SASH1: variants seen among roughly 807,000 people sequenced by gnomAD.
SASH1 encodes the protein SAM and SH3 domain-containing protein 1.
SASH1 carries 44 observed loss-of-function variants against 125.2 expected under a neutral mutation model. The ratio of observed to expected loss-of-function variants is 0.35; its 90% CI spans 0.28 to 0.45. The LOEUF is 0.45. Among genes scored for constraint, SASH1 ranks in the 20% least tolerant of loss-of-function variants. The pLI, the probability that SASH1 is intolerant of heterozygous loss-of-function variation, is 1.00. For synonymous variants in SASH1, 639 were observed against 649.1 expected (o/e 0.98, Z 0.24); for missense variants, 1,426 against 1,614.5 (o/e 0.88, Z 2.00).
chr6:148,319,305 G>A (rs1040754380), intron 1 of SASH1, among the ~76,000 whole-genome samples: 1 of 151,940 alleles, frequency 6.6e-6, no homozygotes, highest in Non-Finnish European at 1.5e-5. Flanking sequence ...AAAGTGCTGG[G>A]ATTACAGGCG....
At chr6:148,374,688 T>A (rs541782400) in intron 1 of SASH1, among the ~76,000 whole-genome samples, 1 of 131,762 alleles carries the variant, frequency 7.6e-6, no homozygotes, top group East Asian at 2.3e-4. Flanking sequence ...GTATTTGAGG[T>A]TTACAGCATT....
intron 8 of SASH1, among the ~76,000 whole-genome samples, chr6:148,494,459 G>A (rs1779232172): frequency 6.6e-6 from 1 of 152,122 alleles, no homozygotes; most frequent in Non-Finnish European, 1.5e-5. Context: ...TTTCATAACT[G>A]ATCACTTTTG....
chr6:148,364,789 A>G (rs1782381400), intron 1 of SASH1, among the ~76,000 whole-genome samples: 1 of 152,120 alleles, frequency 6.6e-6, no homozygotes, highest in South Asian at 2.1e-4. Context: ...AGTCAAAGAT[A>G]CCAATATTAA....
chr6:148,479,375 C>T (rs1449498506), intron 7 of SASH1: 1 of 196,836 alleles, frequency 5.1e-6, no homozygotes, highest in Non-Finnish European at 1.1e-5. Flanking sequence ...AATAGTAAAA[C>T]CAAAGATGCA....
Position 148,429,420 on chromosome 6 carries a change from GA to G in SASH1, c.286-10758del, listed in dbSNP as rs1441413041. 4.8e-5 allele frequency among the ~76,000 whole-genome samples: 6 copies of G among 124,220 alleles called. No individual in the cohort carries two copies. In the East Asian group the frequency reaches 1.5e-3, roughly 30 times the overall value. 81.5% of individuals were successfully genotyped at this position (124,220 alleles called of 152,430 possible). ...AAAAAAAAAAAAAAAAAAGAGGAAG[GA>G]AAAAAGAGTCAGGCTTATTGGCAAA... is the stretch of plus-strand genomic sequence containing the variant. On this transcript the variant is annotated intron_variant, in intron 2 of 19. Transcript: ENST00000367467.
At chr6:148,228,755 G>A in the SASH1 span, among the ~76,000 whole-genome samples, 2 of 152,098 alleles carry the variant, frequency 1.3e-5, no homozygotes, top group Admixed American at 6.5e-5. Flanking sequence ...ATGTTTTTAT[G>A]GAGAAAGACA....
chr6:148,396,478 G>GAAAAAAAAAA (rs61277112), intron 2 of SASH1, among the ~76,000 whole-genome samples: 104 of 63,762 alleles, frequency 1.6e-3, no homozygotes, highest in East Asian at 2.6e-3. Context: ...CTGCATCTCA[G>GAAAAAAAAAA]AAAAAAAAAA....
At position 148,527,524 on chromosome 6, in the gene SASH1, A is replaced by G; in HGVS notation, c.1356A>G (p.Lys452=). Residue 452 remains lysine, a synonymous_variant, in exon 12 of 20, where the codon AAA becomes AAG. Coordinates refer to ENST00000367467, the MANE Select transcript of SASH1 (RefSeq NM_015278.5). ...CTGCCTCTCGCATCTCTCTTGGGAA[A>G]AAGGTGAAATCAGTGAAAGAGACGA... is the stretch of plus-strand genomic sequence containing the variant. ...SPTASRISLG[K]KVKSVKETMR... 6.2e-7 allele frequency: 1 copy of G among 1,610,212 alleles called. No homozygotes were observed. Among genetic ancestry groups the G allele is most frequent in the East Asian group, 2.2e-5 (1 of 44,600 alleles).
intron 2 of SASH1, among the ~76,000 whole-genome samples, chr6:148,419,085 A>G (rs1784939578): frequency 6.6e-6 from 1 of 152,186 alleles, no homozygotes; most frequent in Non-Finnish European, 1.5e-5. Flanking sequence ...TATGGCAAAA[A>G]CAGACAAATC....
chr6:148,244,912 G>GTT, the SASH1 span, among the ~76,000 whole-genome samples: 1 of 141,256 alleles, frequency 7.1e-6, no homozygotes, highest in Non-Finnish European at 1.5e-5. Context: ...GCATGTGTGT[G>GTT]TGTGTGTGTG....
chr6:148,539,691 C>T (rs1344751575), intron 16 of SASH1, among the ~76,000 whole-genome samples: 1 of 152,166 alleles, frequency 6.6e-6, no homozygotes, highest in Admixed American at 6.5e-5. Context: ...GTTTCCTAAG[C>T]TTTCCCCAGC....
At position 148,544,336 on chromosome 6, in the gene SASH1, G is replaced by A. The variant is rs765761559; in HGVS notation, c.2866G>A (p.Glu956Lys). 1.3e-5 allele frequency: 21 copies of A among 1,614,052 alleles called. No individual in the cohort carries two copies. In the South Asian group the frequency reaches 1.6e-4, roughly 13 times the overall value. ...TCTGGAGGGCCACAGAAAAGGACAC[G>A]AGTTTGAAGGAACACACCATCCCCT... ...TPLEGHRKGHEFEGTHHPLGT... is the reference protein window; with the variant it reads ...TPLEGHRKGHKFEGTHHPLGT... The change falls in exon 18 of 20, where the codon GAG becomes AAG. Residue 956 changes from glutamate (E) to lysine (K), a missense_variant. Around this residue, in one of 3 missense-constraint regions of SASH1, gnomAD observed 634 missense variants for 694.4 expected, o/e 0.91. Transcript: ENST00000367467. The surrounding 1 kb of genome is among the most constrained non-coding windows in gnomAD (Gnocchi z 6.4).
At chr6:148,258,025 C>T in the SASH1 span, among the ~76,000 whole-genome samples, 1 of 152,102 alleles carries the variant, frequency 6.6e-6, no homozygotes, top group African/African-American at 2.4e-5. Context: ...TGCCCACTGG[C>T]AAGCACATAA....
intron 8 of SASH1, chr6:148,509,122 A>G (rs1484162734): frequency 2.8e-6 from 1 of 352,396 alleles, no homozygotes; most frequent in African/African-American, 2.1e-5. Context: ...ATTTGAGACA[A>G]TGAGCATATA....
the SASH1 span, among the ~76,000 whole-genome samples, chr6:148,200,480 T>C: frequency 6.6e-6 from 1 of 152,234 alleles, no homozygotes; most frequent in Non-Finnish European, 1.5e-5. Context: ...CGGCGACCTC[T>C]GCTGTGTTTC....
chr6:148,365,728 C>G (rs956814967), intron 1 of SASH1, among the ~76,000 whole-genome samples: 2 of 151,856 alleles, frequency 1.3e-5, no homozygotes, highest in East Asian at 3.9e-4. Context: ...TAATCCCAGC[C>G]CTTTGGGAGG....
At chr6:148,541,278 C>T (rs144337369) in intron 17 of SASH1, among the ~76,000 whole-genome samples, 196 of 151,024 alleles carry the variant, frequency 1.3e-3, no homozygotes, top group Non-Finnish European at 1.5e-3. Context: ...CCATTGGAAT[C>T]CTATCTAGTA....
intron 1 of SASH1, chr6:148,278,613 T>A (rs1779252687): frequency 6.6e-6 from 1 of 152,088 alleles, no homozygotes; most frequent in Admixed American, 6.5e-5. Context: ...GTAGGTTAAA[T>A]AGAACAAGGC....
At chr6:148,527,346 A>C (rs565026920) in intron 11 of SASH1, 107 bp from the exon 12 acceptor site, 1 of 984,654 alleles carries the variant, frequency 1.0e-6, no homozygotes. Flanking sequence ...GTCAAGATCC[A>C]TGAGGAATGT....
Sources: allele counts gnomAD v4.1 joint callset (sites outside exome capture counted in the v4.1 genomes callset), GRCh38; gene constraint gnomAD v4.1.1; regional missense constraint gnomAD v4.1.1; non-coding constraint Gnocchi (gnomAD v3.1); transcripts MANE v1.5; gene names NCBI Gene and HGNC (gene_info 2026-07-23, HGNC 2026-07-21).